GALNT10: variants seen among roughly 807,000 people sequenced by gnomAD.
The protein encoded by GALNT10 is GalNAc transferase 10.
In GALNT10, 41 loss-of-function variants were observed where a neutral mutation model predicts 75.0. The observed-to-expected ratio is 0.55, with a 90% CI of 0.43 to 0.71. The LOEUF is 0.71. Among genes scored for constraint, GALNT10 ranks in the 30% least tolerant of loss-of-function variants. The probability of loss-of-function intolerance (pLI) is 0.00; values close to 1 mark genes in which losing one functional copy is unlikely to be tolerated. For missense variants in GALNT10, 727 were observed against 818.5 expected (o/e 0.89, Z 1.36); for synonymous variants, 302 against 313.0 (o/e 0.96, Z 0.37).
intron 1 of GALNT10, among the ~76,000 whole-genome samples, chr5:154,219,838 T>TCTCTCACACACACACA (rs1491445463): frequency 6.4e-5 from 8 of 125,666 alleles, no homozygotes; most frequent in African/African-American, 2.3e-4. Flanking sequence ...TCTCTCTCTC[T>TCTCTCACACACACACA]CACACACACA....
At chr5:154,380,884 C>G (rs1421019698) in intron 6 of GALNT10, among the ~76,000 whole-genome samples, 24 of 152,300 alleles carry the variant, frequency 1.6e-4, no homozygotes, top group Non-Finnish European at 1.5e-5. Flanking sequence ...GGATTGTCAG[C>G]AGGGGTGAGT....
intron 1 of GALNT10, among the ~76,000 whole-genome samples, chr5:154,250,650 A>G (rs1753502967): frequency 2.0e-5 from 3 of 152,140 alleles, no homozygotes; most frequent in African/African-American, 7.2e-5. Context: ...TTCTGTTAGG[A>G]AGGAGGAGGG....
intron 1 of GALNT10, among the ~76,000 whole-genome samples, chr5:154,239,707 G>A (rs954588714): frequency 4.6e-5 from 7 of 152,150 alleles, no homozygotes; most frequent in African/African-American, 1.4e-4. Flanking sequence ...GATGTGAACC[G>A]CCCATTCCTG....
intron 1 of GALNT10, among the ~76,000 whole-genome samples, chr5:154,236,333 G>C (rs1242759448): frequency 2.0e-5 from 3 of 152,206 alleles, no homozygotes; most frequent in Non-Finnish European, 4.4e-5. Flanking sequence ...CTGACCCAAT[G>C]CATCTTAGCT....
At chr5:154,341,606 A>G (rs1755033079) in intron 4 of GALNT10, among the ~76,000 whole-genome samples, 1 of 152,158 alleles carries the variant, frequency 6.6e-6, no homozygotes, top group Non-Finnish European at 1.5e-5. Context: ...CAAACTAACA[A>G]TTACTTCCCA....
intron 1 of GALNT10, among the ~76,000 whole-genome samples, chr5:154,200,373 G>T (rs1775007577): frequency 6.6e-6 from 1 of 152,228 alleles, no homozygotes; most frequent in African/African-American, 2.4e-5. Flanking sequence ...GGGCTGCTGA[G>T]CAGAGGGGCC....
At chr5:154,300,267 C>T (rs1350916574) in intron 3 of GALNT10, among the ~76,000 whole-genome samples, 1 of 152,142 alleles carries the variant, frequency 6.6e-6, no homozygotes, top group Non-Finnish European at 1.5e-5. Context: ...TTGCAGGGTT[C>T]CAAATTCTGC....
At chr5:154,389,058 A>C (rs1278635638) in intron 7 of GALNT10, 2 of 151,906 alleles carry the variant, frequency 1.3e-5, no homozygotes, top group Non-Finnish European at 2.9e-5. Flanking sequence ...GTGGGTGTTG[A>C]TATGCATTCT....
intron 1 of GALNT10, among the ~76,000 whole-genome samples, chr5:154,198,356 G>A (rs969088587): frequency 1.1e-4 from 16 of 152,218 alleles, no homozygotes; most frequent in Non-Finnish European, 2.2e-4. Context: ...CAGAACAAGT[G>A]CTTGGTAAAC....
At chr5:154,381,119 T>A (rs1755727277) in intron 6 of GALNT10, among the ~76,000 whole-genome samples, 1 of 152,226 alleles carries the variant, frequency 6.6e-6, no homozygotes, top group South Asian at 2.1e-4. Context: ...TCTGTCTGTC[T>A]GCCTCTGGAG....
chr5:154,231,693 G>A (rs1417130252), intron 1 of GALNT10, among the ~76,000 whole-genome samples: 1 of 152,162 alleles, frequency 6.6e-6, no homozygotes, highest in African/African-American at 2.4e-5. Context: ...GGGGTAATGA[G>A]GCCATTGTGG....
chr5:154,330,825 C>T (rs986914093), intron 4 of GALNT10, among the ~76,000 whole-genome samples: 1 of 152,054 alleles, frequency 6.6e-6, no homozygotes, highest in African/African-American at 2.4e-5. Context: ...GTTTCAGGAG[C>T]GGCTCACCTG....
intron 1 of GALNT10, among the ~76,000 whole-genome samples, chr5:154,292,560 T>G (rs1295377853): frequency 1.3e-5 from 2 of 152,172 alleles, no homozygotes; most frequent in Non-Finnish European, 2.9e-5. Context: ...CCCTAACTGA[T>G]CAACCTTGAC....
At chr5:154,294,680 T>C in intron 1 of GALNT10, 136 bp from the exon 2 acceptor site, 2 of 531,816 alleles carry the variant, frequency 3.8e-6, no homozygotes, top group East Asian at 6.1e-5. Context: ...AACAAAGGTA[T>C]GCTGAGGGAG....
At chr5:154,360,363 A>G (rs777076025) in intron 4 of GALNT10, among the ~76,000 whole-genome samples, 1 of 152,080 alleles carries the variant, frequency 6.6e-6, no homozygotes, top group African/African-American at 2.4e-5. Flanking sequence ...AGGCAGGAGA[A>G]TCACTTGAAT....
At chr5:154,363,344 T>C (rs999343583) in intron 4 of GALNT10, among the ~76,000 whole-genome samples, 1 of 152,080 alleles carries the variant, frequency 6.6e-6, no homozygotes, top group African/African-American at 2.4e-5. Context: ...GTCAAGACTT[T>C]CCATTTTAGA....
In GALNT10 at chr5:154,417,087, T is replaced by C; in HGVS notation, c.*115T>C. The C allele has an allele frequency of 2.2e-6, 2 of 908,328 alleles. No homozygotes were observed. The highest frequency in any genetic ancestry group is 3.4e-6 in the Non-Finnish European group (2 of 581,478). The allele number at this position is 908,328 out of a possible 1,614,324, so 56.3% of individuals were successfully genotyped here. On this transcript the variant is annotated 3_prime_UTR_variant, in exon 12 of 12. Transcript: ENST00000297107. ...GGTGTAAAAGGTGCTGGCCAAATGG[T>C]TCAGGGTGAAGAGGGCTCTTGATTC...
At chr5:154,195,860 G>A (rs1327759040) in intron 1 of GALNT10, among the ~76,000 whole-genome samples, 1 of 152,076 alleles carries the variant, frequency 6.6e-6, no homozygotes, top group Non-Finnish European at 1.5e-5. Flanking sequence ...AACCTATCTG[G>A]CTATTTTTTT....
intron 7 of GALNT10, among the ~76,000 whole-genome samples, chr5:154,401,000 C>A (rs956932307): frequency 1.3e-5 from 2 of 152,178 alleles, no homozygotes; most frequent in African/African-American, 4.8e-5. Flanking sequence ...CCAGGGCATC[C>A]TGTGCTGGGC....
Sources: gnomAD v4.1 joint callset for allele counts (sites outside exome capture counted in the v4.1 genomes callset) on GRCh38, gnomAD v4.1.1 for gene constraint, MANE v1.5 for transcripts, NCBI Gene and HGNC (gene_info 2026-07-23, HGNC 2026-07-21) for gene names.